The following CDH26 variants were observed in gnomAD, a reference collection of about 807,000 sequenced individuals.
The protein encoded by CDH26 is cadherin-like protein 26.
CDH26 carries 83 observed loss-of-function variants against 90.3 expected under a neutral mutation model. The ratio of observed to expected loss-of-function variants is 0.92; its 90% CI spans 0.77 to 1.10. The LOEUF (loss-of-function observed/expected upper bound fraction) is 1.10. Ranked by LOEUF, CDH26 falls within the 50% of genes least tolerant of loss-of-function variation. CDH26 has a pLI of 0.00. For missense variants in CDH26, 1,013 were observed against 1,037.6 expected (o/e 0.98, Z 0.33); for synonymous variants, 397 against 396.3 (o/e 1.00, Z -0.02).
chr20:59,985,373 G>A (rs914116784), intron 7 of CDH26, among the ~76,000 whole-genome samples: 4 of 152,164 alleles, frequency 2.6e-5, no homozygotes, highest in African/African-American at 9.7e-5. Context: ...TGATCATGGC[G>A]GAAGGACGGG....
chr20:59,999,802 C>A (rs1045708257), intron 14 of CDH26, 139 bp downstream of exon 14: 4 of 680,236 alleles, frequency 5.9e-6, no homozygotes, highest in Non-Finnish European at 1.0e-5. Context: ...CCAGCCCCTA[C>A]TTGCAAAGCC....
rs1026785895 is a variant in CDH26 at position 60,030,416 on chromosome 20, G to GT, written c.948-808dup. 1.3e-5 allele frequency among the ~76,000 whole-genome samples: 2 copies of GT among 151,788 alleles called. No individual in the cohort carries two copies. The highest frequency in any genetic ancestry group is 2.4e-5 in the African/African-American group (1 of 41,390). On this transcript the variant is annotated intron_variant, in intron 7 of 8. Transcript: ENST00000370991. This position sits in a 1 kb window ranked among gnomAD's most constrained non-coding sequence, Gnocchi z 4.0. ...CTTTTTTTTGTTTTGTTTTGTTTTT[G>GT]TTTTTTTCAGTATCCCTTCACCTTC...
chr20:60,026,390 T>TAGAGAGAGAGAGAGAGAGAGAGAGAG (rs60922926), intron 7 of CDH26, among the ~76,000 whole-genome samples: 1 of 139,270 alleles, frequency 7.2e-6, no homozygotes, highest in Non-Finnish European at 1.5e-5. Flanking sequence ...TGGCTGGAGT[T>TAGAGAGAGAGAGAGAGAGAGAGAGAG]AGAGAGAGAG....
At chr20:60,000,767 T>C (rs947381750) in intron 14 of CDH26, among the ~76,000 whole-genome samples, 3 of 152,208 alleles carry the variant, frequency 2.0e-5, no homozygotes, top group African/African-American at 7.2e-5. Context: ...AGTACATCTC[T>C]GGTGACTGCT....
At chr20:60,033,292 C>G (rs1442119002) in intron 8 of CDH26, among the ~76,000 whole-genome samples, 3 of 152,178 alleles carry the variant, frequency 2.0e-5, no homozygotes, top group Admixed American at 2.0e-4. Context: ...GGGAACTTGT[C>G]TTTGTAATAA....
intron 1 of CDH26, among the ~76,000 whole-genome samples, chr20:59,959,236 G>GTACC (rs2061036463): frequency 6.6e-6 from 1 of 152,016 alleles, no homozygotes; most frequent in Non-Finnish European, 1.5e-5. Flanking sequence ...GAGTAGCTGG[G>GTACC]ACTACAGTAA....
At chr20:59,961,996 A>G (rs1254866588) in intron 1 of CDH26, among the ~76,000 whole-genome samples, 1 of 152,160 alleles carries the variant, frequency 6.6e-6, no homozygotes, top group Admixed American at 6.5e-5. Context: ...ACATTTTAAT[A>G]AATTGTTAGC....
intron 7 of CDH26, among the ~76,000 whole-genome samples, chr20:60,021,897 C>CACATATATATATATAT (rs1295572684): frequency 1.3e-5 from 1 of 78,938 alleles, no homozygotes; most frequent in Non-Finnish European, 3.0e-5. Flanking sequence ...CACACACACA[C>CACATATATATATATAT]ATATATATAT....
chr20:60,011,473 T>C lies in CDH26; in HGVS notation c.2296-1054T>C, dbSNP rs150330810. On this transcript the variant is annotated intron_variant, in intron 17 of 17. Coordinates refer to ENST00000348616, the MANE Select transcript of CDH26 (RefSeq NM_177980.4). ...TAAAATGGCCATTCACTCAAATAAA[T>C]ATGTGTTCTGATACCATCGAAATCA... 5.3e-5 allele frequency among the ~76,000 whole-genome samples: 8 copies of C among 152,324 alleles called. No homozygotes were observed. The South Asian group carries it at 6.2e-4, about 12-fold the overall frequency.
At chr20:60,020,330 G>A (rs76535956) in intron 7 of CDH26, among the ~76,000 whole-genome samples, 250 of 152,330 alleles carry the variant, frequency 1.6e-3, no homozygotes, top group Middle Eastern at 3.4e-3. Flanking sequence ...GGGGCACATG[G>A]TTTCTCGGCT....
At chr20:60,019,090 G>C (rs1274953407), downstream of CDH26, among the ~76,000 whole-genome samples, 1 of 151,976 alleles carries the variant, frequency 6.6e-6, no homozygotes, top group African/African-American at 2.4e-5. Flanking sequence ...CAGTCTAATG[G>C]GGATTCCATT....
chr20:60,004,223 A>C (rs549189145), intron 16 of CDH26, among the ~76,000 whole-genome samples: 1 of 152,178 alleles, frequency 6.6e-6, no homozygotes, highest in African/African-American at 2.4e-5. Context: ...TGGCTTCACT[A>C]TGTGTACACA....
In CDH26 at chr20:60,012,574, T is replaced by G. The variant is rs2061860731; in HGVS notation, c.2343T>G (p.Pro781=). The change falls in exon 18 of 18, where the codon CCT becomes CCG. Residue 781 remains proline (P), a synonymous_variant. Transcript: ENST00000348616. ...TGGAAGATGACCCCGGCTACCTACC[T>G]CACGTCTACAGCGAGGAAGGGGAGT... The part of the protein sequence containing the change: ...NVLEDDPGYL[P]HVYSEEGECG... 5 of 1,613,822 alleles carry G rather than the reference T, an allele frequency of 3.1e-6. No individual in the cohort carries two copies. Among genetic ancestry groups the G allele is most frequent in the Admixed American group, 3.3e-5 (2 of 59,972 alleles).
At position 59,988,961 on chromosome 20, in the gene CDH26, G is replaced by A; in HGVS notation, c.1081G>A (p.Glu361Lys). The A allele has an allele frequency of 1.2e-6, 2 of 1,614,162 alleles. No individual in the cohort carries two copies. Among genetic ancestry groups the A allele is most frequent in the Non-Finnish European group, 1.7e-6 (2 of 1,180,048 alleles). Residue 361 changes from glutamate (E) to lysine (K), a missense_variant, in exon 9 of 18, where the codon GAG becomes AAG. By Grantham distance (56) the Glu-to-Lys change is moderately conservative. Coordinates refer to ENST00000348616, the MANE Select transcript of CDH26 (RefSeq NM_177980.4). ...CCTCATCATTGTCGTGGAGAATGAG[G>A]AGAGGCTCGTCTTCTGTGAGAGAGG... is the stretch of plus-strand genomic sequence containing the variant. ...QSLIIVVENEERLVFCERGKL... is the reference protein window; with the variant it reads ...QSLIIVVENEKRLVFCERGKL...
chr20:60,030,065 C>G lies in CDH26; in HGVS notation c.948-1166C>G, dbSNP rs1309788400. ...GTGAACTGGGGATCCCTTCTGCCACCTTCCCCCACAACCCCTGGTTTTATT... is the reference window on the plus strand; with the variant it reads ...GTGAACTGGGGATCCCTTCTGCCACGTTCCCCCACAACCCCTGGTTTTATT... On this transcript the variant is annotated intron_variant, in intron 7 of 8. Transcript: ENST00000370991. This position sits in a 1 kb window ranked among gnomAD's most constrained non-coding sequence, Gnocchi z 4.0. Among the ~76,000 whole-genome samples, 5 of 152,080 alleles carry G rather than the reference C, an allele frequency of 3.3e-5. No individual in the cohort carries two copies. Among genetic ancestry groups the G allele is most frequent in the African/African-American group, 1.2e-4 (5 of 41,394 alleles).
intron 13 of CDH26, 48 bp from the exon 14 acceptor site, chr20:59,999,538 T>C: frequency 6.8e-7 from 1 of 1,460,670 alleles, no homozygotes; most frequent in Non-Finnish European, 9.6e-7. Context: ...TTATTTCTGC[T>C]ATCTGTGATT....
In CDH26 at chr20:60,012,811, T is replaced by A; in HGVS notation, c.*81T>A. On this transcript the variant is annotated 3_prime_UTR_variant, in exon 18 of 18. Transcript: ENST00000348616. ...AGGGATTTTTCCCCTTTGCTCTTCT[T>A]TTCCCTCCTTAAAAGAAAAATTACC... 7.3e-7 allele frequency: 1 copy of A among 1,365,002 alleles called. No homozygotes were observed. Among genetic ancestry groups the A allele is most frequent in the East Asian group, 2.4e-5 (1 of 41,714 alleles). The allele number at this position is 1,365,002 out of a possible 1,614,324, so 84.6% of individuals were successfully genotyped here. A position where few individuals can be genotyped will look rare whatever the true frequency, so the allele number is the denominator to read the frequency against.
intron 9 of CDH26, among the ~76,000 whole-genome samples, chr20:59,991,054 G>A (rs550480936): frequency 6.0e-4 from 92 of 152,174 alleles, no homozygotes; most frequent in Non-Finnish European, 1.1e-3. Context: ...AATTTTAGTA[G>A]AGACGGGGTT....
intron 17 of CDH26, among the ~76,000 whole-genome samples, 196 bp downstream of exon 17, chr20:60,006,983 C>T (rs1467695489): frequency 6.6e-6 from 1 of 152,142 alleles, no homozygotes; most frequent in Non-Finnish European, 1.5e-5. Context: ...GCTAGAAGTC[C>T]AAGGTCAGGG....
Sources: allele counts gnomAD v4.1 joint callset (sites outside exome capture counted in the v4.1 genomes callset), GRCh38; gene constraint gnomAD v4.1.1; non-coding constraint Gnocchi (gnomAD v3.1); transcripts MANE v1.5; gene names NCBI Gene and HGNC (gene_info 2026-07-23, HGNC 2026-07-21).